RPS24: variants seen among roughly 807,000 people sequenced by gnomAD.
RPS24 encodes ribosomal protein S24, also known as small ribosomal subunit protein eS24.
For synonymous variants in RPS24, 72 were observed against 55.6 expected (o/e 1.30, Z -1.31); for missense variants, 100 against 162.5 (o/e 0.62, Z 2.09).
At chr10:78,053,667 C>T (rs559257190) in intron 4 of RPS24, among the ~76,000 whole-genome samples, 8 of 152,058 alleles carry the variant, frequency 5.3e-5, no homozygotes, top group African/African-American at 1.7e-4. Flanking sequence ...AGAGCAGGAG[C>T]GGGCCGGGGA....
At chr10:78,050,368 C>T (rs1029156873) in intron 4 of RPS24, among the ~76,000 whole-genome samples, 3 of 152,198 alleles carry the variant, frequency 2.0e-5, no homozygotes, top group African/African-American at 7.2e-5. Flanking sequence ...GGAGCACCTG[C>T]TGGGAAGGTT....
chr10:78,041,955 C>T (rs1264886692), downstream of RPS24, among the ~76,000 whole-genome samples: 1 of 152,222 alleles, frequency 6.6e-6, no homozygotes, highest in Admixed American at 6.5e-5. Context: ...GTCTTTCAGC[C>T]AGTAGCCTTG....
chr10:78,037,708 GT>G, intron 4 of RPS24: 1 of 339,648 alleles, frequency 2.9e-6, no homozygotes, highest in Non-Finnish European at 5.6e-6. Context: ...TGTGGCCCGT[GT>G]TTTCCTGGCA....
rs138414675 is a variant in RPS24 at position 78,036,050 on chromosome 10, C to T, written c.279+330C>T. The T allele has an allele frequency of 3.5e-3, 1,309 of 375,634 alleles. 19 individuals are homozygous for T. The highest frequency in any genetic ancestry group is 0.025 in the African/African-American group (1,214 of 47,754). The allele number at this position is 375,634 out of a possible 1,614,324, so 23.3% of individuals were successfully genotyped here. A position where few individuals can be genotyped will look rare whatever the true frequency, so the allele number is the denominator to read the frequency against. ...CACTTAGTTTGGATTAAGTCTGCAT[C>T]TGGGCTTAAACCCATAGGTAGTCAG... On this transcript the variant is annotated intron_variant, in intron 3 of 5. Coordinates refer to ENST00000372360, the MANE Select transcript of RPS24 (RefSeq NM_033022.4).
At position 78,035,708 on chromosome 10, in the gene RPS24, T is replaced by C; in HGVS notation, c.267T>C (p.His89=). The C allele has an allele frequency of 6.3e-7, 1 of 1,599,826 alleles. No homozygotes were observed. Among genetic ancestry groups the C allele is most frequent in the Non-Finnish European group, 8.5e-7 (1 of 1,179,398 alleles). The stretch of plus-strand genomic sequence containing the variant: ...ATGCAAAGAAAAATGAACCCAAACA[T>C]AGACTTGCAAGAGTAGGTGTCTTTT... ...LDYAKKNEPK[H]RLARHGLYEK... Residue 89 remains histidine (H), a synonymous_variant, in exon 3 of 6, where the codon CAT becomes CAC. Coordinates refer to ENST00000372360, the MANE Select transcript of RPS24 (RefSeq NM_033022.4).
intron 4 of RPS24, among the ~76,000 whole-genome samples, chr10:78,047,822 T>G (rs1290883824): frequency 1.3e-5 from 2 of 152,252 alleles, no homozygotes; most frequent in Non-Finnish European, 2.9e-5. Flanking sequence ...GCAGCCCGAT[T>G]CTGCTTCAGC....
chr10:78,037,407 TTTC>T (rs1847895960), intron 4 of RPS24, 103 bp downstream of exon 4: 2 of 1,477,308 alleles, frequency 1.4e-6, no homozygotes, highest in Admixed American at 2.5e-5. Context: ...TTTCTTAATG[TTTC>T]TTCTTTTCCC....
At chr10:78,040,511 GT>G (rs751442079) in intron 5 of RPS24, 103 bp from the exon 6 acceptor site, 14 of 859,490 alleles carry the variant, frequency 1.6e-5, no homozygotes, top group Non-Finnish European at 2.4e-5. Flanking sequence ...GATATTCTAG[GT>G]TACTAATAAT....
chr10:78,053,260 C>T (rs1848118440), intron 4 of RPS24, among the ~76,000 whole-genome samples: 1 of 151,730 alleles, frequency 6.6e-6, no homozygotes. Context: ...CAGCAAGCTT[C>T]CTGTTGCTGG....
intron 1 of RPS24, 61 bp downstream of exon 1, chr10:78,033,965 G>A: frequency 6.2e-7 from 1 of 1,604,966 alleles, no homozygotes; most frequent in South Asian, 1.1e-5. Context: ...GTGGTCCCTG[G>A]GTCCCAGTAC....
chr10:78,040,201 C>T lies in RPS24; in HGVS notation c.391-3C>T. 6.2e-7 allele frequency: 1 copy of T among 1,613,346 alleles called. No homozygotes were observed. The highest frequency in any genetic ancestry group is 1.1e-5 in the South Asian group (1 of 91,064). On this transcript the variant is annotated splice_region_variant and splice_polypyrimidine_tract_variant and intron_variant, in intron 4 of 5. Coordinates refer to ENST00000372360, the MANE Select transcript of RPS24 (RefSeq NM_033022.4). ...CTTTTTCCCTTCCCCGCCACTGATT[C>T]AGTGAGCTGGAGATTGGATCACAGG...
intron 3 of RPS24, chr10:78,036,074 A>G: frequency 2.9e-6 from 1 of 345,054 alleles, no homozygotes; most frequent in South Asian, 2.4e-5. Flanking sequence ...ATAGGTAGTC[A>G]GGAACCAGGA....
At chr10:78,040,082 A>G (rs1847960223) in intron 4 of RPS24, 122 bp from the exon 5 acceptor site, 2 of 883,972 alleles carry the variant, frequency 2.3e-6, no homozygotes, top group Non-Finnish European at 1.9e-6. Context: ...CAAAATGGTC[A>G]TCTTTAAGGT....
intron 4 of RPS24, among the ~76,000 whole-genome samples, chr10:78,050,808 A>G (rs1564632827): frequency 6.6e-6 from 1 of 151,912 alleles, no homozygotes; most frequent in African/African-American, 2.4e-5. Context: ...GTTTTTGTAG[A>G]GACAGAGTCT....
chr10:78,055,356 G>A (rs1848140399), exon 5 of RPS24: 3 of 177,846 alleles, frequency 1.7e-5, no homozygotes, highest in Admixed American at 1.5e-4. Context: ...GAAGCTGCGT[G>A]AAGTTAGAGA....
At chr10:78,055,152 C>T in exon 5 of RPS24, 1 of 1,321,484 alleles carries the variant, frequency 7.6e-7, no homozygotes, top group Non-Finnish European at 9.7e-7. Context: ...CAGGGCTCCA[C>T]ATCTCTCTCA....
At chr10:78,037,333 C>T (rs758762842) in intron 4 of RPS24, 29 bp downstream of exon 4, 9 of 1,568,518 alleles carry the variant, frequency 5.7e-6, no homozygotes, top group Admixed American at 1.9e-5. Flanking sequence ...AATATAGAAA[C>T]GTCATTAATT....
rs775045815 is a variant in RPS24 at position 78,035,699 on chromosome 10, A to G, written c.258A>G (p.Glu86=). The G allele has an allele frequency of 2.5e-6, 4 of 1,601,076 alleles. No homozygotes were observed. Among genetic ancestry groups the G allele is most frequent in the South Asian group, 2.2e-5 (2 of 91,064 alleles). ...YDSLDYAKKN[E]PKHRLARHGL... ...CCCTGGATTATGCAAAGAAAAATGA[A>G]CCCAAACATAGACTTGCAAGAGTAG... Residue 86 remains glutamate (E), a synonymous_variant, in exon 3 of 6, where the codon GAA becomes GAG. Transcript: ENST00000372360.
intron 5 of RPS24, 141 bp downstream of exon 5, chr10:78,040,366 A>G (rs2131985056): frequency 1.3e-6 from 1 of 780,450 alleles, no homozygotes; most frequent in Non-Finnish European, 2.1e-6. Flanking sequence ...CTTTTAAAAT[A>G]CTAACAGTGA....
Sources: gnomAD v4.1 joint callset for allele counts (sites outside exome capture counted in the v4.1 genomes callset) on GRCh38, gnomAD v4.1.1 for gene constraint, MANE v1.5 for transcripts, NCBI Gene and HGNC (gene_info 2026-07-23, HGNC 2026-07-21) for gene names.